The following SLC2A1 variants were observed in gnomAD, a reference collection of about 807,000 sequenced individuals.
The protein encoded by SLC2A1 is solute carrier family 2 member 1.
SLC2A1 carries 4 observed loss-of-function variants against 46.6 expected under a neutral mutation model. The observed-to-expected ratio is 0.09, with a 90% confidence interval of 0.04 to 0.20. SLC2A1 has a LOEUF of 0.20. Ranked by LOEUF, SLC2A1 falls within the 10% of genes least tolerant of loss-of-function variation. The pLI is 1.00. For missense variants in SLC2A1, 352 were observed against 667.0 expected (o/e 0.53, Z 5.20); for synonymous variants, 253 against 270.0 (o/e 0.94, Z 0.62).
intron 2 of SLC2A1, among the ~76,000 whole-genome samples, chr1:42,933,643 G>T (rs1470914133): frequency 6.6e-6 from 1 of 152,134 alleles, no homozygotes; most frequent in Non-Finnish European, 1.5e-5. Context: ...CCCAGAGGAG[G>T]ACTGGTTGGG....
chr1:42,935,615 A>G (rs938039072), intron 2 of SLC2A1, among the ~76,000 whole-genome samples: 13 of 152,230 alleles, frequency 8.5e-5, no homozygotes, highest in Admixed American at 8.5e-4. Flanking sequence ...AAGAGTAAGG[A>G]GGAACCTGAA....
At chr1:42,941,280 T>A (rs1490315307) in intron 2 of SLC2A1, among the ~76,000 whole-genome samples, 6 of 152,290 alleles carry the variant, frequency 3.9e-5, no homozygotes, top group Non-Finnish European at 7.4e-5. Context: ...CTGGTGCCCA[T>A]CCGCCCCTTC....
intron 1 of SLC2A1, chr1:42,952,457 G>T: frequency 2.2e-6 from 1 of 462,546 alleles, no homozygotes; most frequent in South Asian, 1.5e-5. Context: ...TGTAGATGGT[G>T]ATGATGCCAG....
At chr1:42,936,845 C>T (rs1557649077) in intron 2 of SLC2A1, among the ~76,000 whole-genome samples, 2 of 152,124 alleles carry the variant, frequency 1.3e-5, no homozygotes, top group East Asian at 3.9e-4. Flanking sequence ...AGAACATGCA[C>T]AGATACTCCT....
chr1:42,930,154 G>C lies in SLC2A1; in HGVS notation c.517-119C>G, dbSNP rs1272901441. The C allele has an allele frequency of 2.6e-6, 3 of 1,148,404 alleles. No homozygotes were observed. In the African/African-American group the frequency reaches 4.6e-5, roughly 18 times the overall value. 71.1% of individuals were successfully genotyped at this position (1,148,404 alleles called of 1,614,324 possible). ...GCTTCAGGGAAGGGCCCCAGTTCTA[G>C]AGGCTCTGCCACTAGCATGAGCCCT... On this transcript the variant is annotated intron_variant, in intron 4 of 9. Transcript: ENST00000426263. The surrounding 1 kb of genome is among the most constrained non-coding windows in gnomAD (Gnocchi z 6.2).
At chr1:42,931,467 A>G (rs1281964950) in intron 2 of SLC2A1, among the ~76,000 whole-genome samples, 1 of 152,098 alleles carries the variant, frequency 6.6e-6, no homozygotes, top group East Asian at 1.9e-4. Context: ...CTGTGGTTTC[A>G]CAGGCTCAGT....
chr1:42,939,276 C>T (rs904705478), intron 2 of SLC2A1, among the ~76,000 whole-genome samples: 7 of 152,348 alleles, frequency 4.6e-5, no homozygotes, highest in African/African-American at 1.7e-4. Flanking sequence ...TAATCTGGCT[C>T]CTGGTTGGAA....
Position 42,927,542 on chromosome 1 carries a change from C to T in SLC2A1, c.1278+63G>A. On this transcript the variant is annotated intron_variant, in intron 9 of 9. Transcript: ENST00000426263. The surrounding 1 kb of genome is among the most constrained non-coding windows in gnomAD (Gnocchi z 5.3). ...ATTCCTAATGAGAATGCTGGGCCAG[C>T]ACTTTGCACAGCACTGTGGGGTCAT... is the stretch of plus-strand genomic sequence containing the variant. 2 of 1,469,428 alleles carry T rather than the reference C, an allele frequency of 1.4e-6. No individual in the cohort carries two copies. The highest frequency in any genetic ancestry group is 1.2e-5 in the South Asian group (1 of 86,614). 91.0% of individuals were successfully genotyped at this position (1,469,428 alleles called of 1,614,324 possible).
intron 2 of SLC2A1, among the ~76,000 whole-genome samples, chr1:42,940,573 G>C (rs1367778546): frequency 1.3e-5 from 2 of 150,554 alleles, no homozygotes; most frequent in Non-Finnish European, 3.0e-5. Context: ...CTAGCAATGG[G>C]TTGTTCTCTG....
intron 2 of SLC2A1, among the ~76,000 whole-genome samples, chr1:42,938,542 G>C (rs1168245668): frequency 6.6e-6 from 1 of 152,210 alleles, no homozygotes; most frequent in Non-Finnish European, 1.5e-5. Flanking sequence ...TTTTATGGAA[G>C]AGAACAAGCT....
intron 1 of SLC2A1, among the ~76,000 whole-genome samples, chr1:42,956,219 A>C (rs974180833): frequency 2.6e-5 from 4 of 152,156 alleles, no homozygotes; most frequent in African/African-American, 9.7e-5. Context: ...TTATGAAGGC[A>C]TATCATCTGT....
intron 1 of SLC2A1, among the ~76,000 whole-genome samples, chr1:42,947,698 G>C (rs1211327764): frequency 6.7e-6 from 1 of 150,272 alleles, no homozygotes; most frequent in Non-Finnish European, 1.5e-5. Context: ...CTCCAGCCTC[G>C]GCAACAGAGT....
intron 1 of SLC2A1, among the ~76,000 whole-genome samples, chr1:42,949,206 C>T (rs188474532): frequency 6.6e-5 from 10 of 152,106 alleles, no homozygotes; most frequent in East Asian, 5.8e-4. Flanking sequence ...AGATATTGCA[C>T]GACTGCATTC....
Position 42,929,724 on chromosome 1 carries a change from C to T in SLC2A1, c.736G>A (p.Glu246Lys). 1.2e-6 allele frequency: 2 copies of T among 1,614,140 alleles called. No homozygotes were observed. The highest frequency in any genetic ancestry group is 1.7e-6 in the Non-Finnish European group (2 of 1,180,032). The change falls in exon 6 of 10, where the codon GAA becomes AAA. Residue 246 changes from glutamate to lysine, a missense_variant. By Grantham distance (56) the Glu-to-Lys change is moderately conservative (BLOSUM62 1). Coordinates refer to ENST00000426263, the MANE Select transcript of SLC2A1 (RefSeq NM_006516.4). The surrounding 1 kb of genome is among the most constrained non-coding windows in gnomAD (Gnocchi z 6.0). ...TCCCGCATCATCTGCCGACTCTCTT[C>T]CTTCATCTCCTGCAGGTCATGGGTC... is the stretch of plus-strand genomic sequence containing the variant. ...DVTHDLQEMKEESRQMMREKK... is the reference protein window; with the variant it reads ...DVTHDLQEMKKESRQMMREKK...
At position 42,929,691 on chromosome 1, in the gene SLC2A1, C is replaced by A. The variant is rs755213963; in HGVS notation, c.769G>T (p.Val257Phe). The A allele has an allele frequency of 1.2e-6, 2 of 1,613,738 alleles. No homozygotes were observed. The highest frequency in any genetic ancestry group is 1.7e-6 in the Non-Finnish European group (2 of 1,179,976). The change falls in exon 6 of 10, where the codon GTC becomes TTC. Residue 257 changes from valine to phenylalanine, a missense_variant. Val to Phe is a conservative substitution (Grantham distance 50). Around this residue, in one of 5 missense-constraint regions of SLC2A1, gnomAD observed 167 missense variants for 280.8 expected, o/e 0.59. Coordinates refer to ENST00000426263, the MANE Select transcript of SLC2A1 (RefSeq NM_006516.4). This position sits in a 1 kb window ranked among gnomAD's most constrained non-coding sequence, Gnocchi z 6.0. The part of the protein sequence containing the change: ...ESRQMMREKK[V>F]TILELFRSPA... Reference sequence around the variant, plus strand: ...GAGCGGAACAGCTCCAGGATGGTGACCTTCTTCTCCCGCATCATCTGCCGA... The same window carrying A: ...GAGCGGAACAGCTCCAGGATGGTGAACTTCTTCTCCCGCATCATCTGCCGA...
In SLC2A1 at chr1:42,929,164, C is replaced by G; in HGVS notation, c.972+46G>C. On this transcript the variant is annotated intron_variant, in intron 7 of 9. Transcript: ENST00000426263. This position sits in a 1 kb window ranked among gnomAD's most constrained non-coding sequence, Gnocchi z 6.0. ...AGACCAGTGGGGAAGATGGCACTGC[C>G]TCCTCCCTGGGGTTTGGCTGGGGGG... 6.4e-7 allele frequency: 1 copy of G among 1,566,882 alleles called. No individual in the cohort carries two copies. The highest frequency in any genetic ancestry group is 8.8e-7 in the Non-Finnish European group (1 of 1,137,232).
At chr1:42,958,190 G>T (rs758473875) in intron 1 of SLC2A1, among the ~76,000 whole-genome samples, 6 of 151,858 alleles carry the variant, frequency 4.0e-5, no homozygotes, top group Non-Finnish European at 5.9e-5. Flanking sequence ...CGCGCGCCGG[G>T]GCCGGGGCCG....
chr1:42,944,851 T>C (rs1008694207), intron 1 of SLC2A1, among the ~76,000 whole-genome samples: 6 of 152,160 alleles, frequency 3.9e-5, no homozygotes, highest in Non-Finnish European at 8.8e-5. Context: ...CCATTCCCTC[T>C]AAATCCTCTG....
At chr1:42,938,973 CTG>C (rs1643570170) in intron 2 of SLC2A1, among the ~76,000 whole-genome samples, 1 of 152,272 alleles carries the variant, frequency 6.6e-6, no homozygotes, top group Non-Finnish European at 1.5e-5. Context: ...CTGGCTCAGA[CTG>C]TGTCTCAGGC....
Sources: gnomAD v4.1 joint callset for allele counts (sites outside exome capture counted in the v4.1 genomes callset) on GRCh38, gnomAD v4.1.1 for gene constraint, gnomAD v4.1.1 regional missense constraint, Gnocchi (gnomAD v3.1) non-coding constraint, MANE v1.5 for transcripts, NCBI Gene and HGNC (gene_info 2026-07-23, HGNC 2026-07-21) for gene names.